The following CSNK2A1 variants were observed in gnomAD, a reference collection of about 807,000 sequenced individuals.
The protein encoded by CSNK2A1 is casein kinase 2 alpha 1.
Under a neutral mutation model 62.9 loss-of-function variants are expected in CSNK2A1, and 10 were observed. That is an observed-to-expected ratio of 0.16 (90% CI 0.10 to 0.27). CSNK2A1 has a LOEUF of 0.27. Ranked by LOEUF, CSNK2A1 falls within the 10% of genes least tolerant of loss-of-function variation. The pLI, the probability that CSNK2A1 is intolerant of heterozygous loss-of-function variation, is 1.00. For missense variants in CSNK2A1, 160 were observed against 492.0 expected, an observed-to-expected ratio of 0.33 and a Z score of 6.38; for synonymous variants, 124 against 167.8, an observed-to-expected ratio of 0.74 and a Z score of 2.02.
Position 483,804 on chromosome 20 carries a change from ATT to A in CSNK2A1, c.*155_*156del. 1 of 423,530 alleles carries A rather than the reference ATT, an allele frequency of 2.4e-6. No individual in the cohort carries two copies. Among genetic ancestry groups the A allele is most frequent in the Non-Finnish European group, 3.9e-6 (1 of 255,326 alleles). The allele number at this position is 423,530 out of a possible 1,614,324, so 26.2% of individuals were successfully genotyped here. A position where few individuals can be genotyped will look rare whatever the true frequency, so the allele number is the denominator to read the frequency against. ...GAAAAAAGAAAATCAGCCTATTATA[ATT>A]TTTTTTTTATGACTGAACTACTATA... is the stretch of plus-strand genomic sequence containing the variant. On this transcript the variant is annotated 3_prime_UTR_variant, in exon 14 of 14. Transcript: ENST00000217244.
intron 2 of CSNK2A1, among the ~76,000 whole-genome samples, chr20:513,194 C>G (rs372357700): frequency 6.6e-5 from 10 of 152,340 alleles, no homozygotes; most frequent in African/African-American, 2.4e-4. Flanking sequence ...TTTACAGCCA[C>G]TTTACTCTTC....
chr20:489,984 CTCAAAA>C (rs949269214), intron 9 of CSNK2A1, 103 bp from the exon 10 acceptor site: 2 of 907,716 alleles, frequency 2.2e-6, no homozygotes, highest in African/African-American at 3.4e-5. Context: ...ACTCCACTGA[CTCAAAA>C]TCAAAACACT....
chr20:520,134 A>C lies in CSNK2A1; in HGVS notation c.-110+7799T>G, dbSNP rs778910466. 1.4e-4 allele frequency among the ~76,000 whole-genome samples: 21 copies of C among 152,232 alleles called. No individual in the cohort carries two copies. In the East Asian group the frequency reaches 1.5e-3, roughly 11 times the overall value. On this transcript the variant is annotated intron_variant, in intron 2 of 13. Transcript: ENST00000217244. ...AGAAGAAAAAAATCTAGAACATAAG[A>C]AGCATAGGGGAAGAAAGTTGAATTG...
chr20:495,597 CA>C, intron 8 of CSNK2A1, 121 bp downstream of exon 8: 1 of 716,852 alleles, frequency 1.4e-6, no homozygotes, highest in South Asian at 1.8e-5. Flanking sequence ...ATTCATTCAC[CA>C]AATATTTCTC....
At position 489,701 on chromosome 20, in the gene CSNK2A1, G is replaced by C. The variant is rs568741301; in HGVS notation, c.723+79C>G. On this transcript the variant is annotated intron_variant, in intron 10 of 13. Transcript: ENST00000217244. Reference sequence around the variant, plus strand: ...CAATATCGGGGTGGCTGAATAAACAGTGAACTGAAAGTTACAGGCAGTGCT... The same window carrying C: ...CAATATCGGGGTGGCTGAATAAACACTGAACTGAAAGTTACAGGCAGTGCT... 1.1e-5 allele frequency: 13 copies of C among 1,200,832 alleles called. No homozygotes were observed. The South Asian group carries it at 2.0e-4, about 18-fold the overall frequency. 74.4% of individuals were successfully genotyped at this position (1,200,832 alleles called of 1,614,324 possible). A position where few individuals can be genotyped will look rare whatever the true frequency, so the allele number is the denominator to read the frequency against.
In CSNK2A1 at chr20:498,335, CTTT is replaced by C. The variant is rs11477158; in HGVS notation, c.367-558_367-556del. 933 of 119,606 alleles carry C rather than the reference CTTT, an allele frequency of 7.8e-3. 10 individuals carry two copies. Among genetic ancestry groups the C allele is most frequent in the African/African-American group, 0.026 (823 of 31,460 alleles). 7.4% of individuals were successfully genotyped at this position (119,606 alleles called of 1,614,324 possible). Reference sequence around the variant, plus strand: ...CAGAATGTTTTTTACATGGACATATCTTTTTTTTTTTTTTTTTTTTTTGAGACA... The same window carrying C: ...CAGAATGTTTTTTACATGGACATATCTTTTTTTTTTTTTTTTTTTGAGACA... On this transcript the variant is annotated intron_variant, in intron 6 of 13. Transcript: ENST00000217244.
rs2017795307 is a variant in CSNK2A1, at chr20:473,685, A to G, written c.*10276T>C. ...GGGGTTCATGGTGAAAAACGCTGAA[A>G]AGGGTAAAGACTACTGCAGTCTCCA... On this transcript the variant is annotated 3_prime_UTR_variant, in exon 14 of 14. Coordinates refer to ENST00000217244, the MANE Select transcript of CSNK2A1 (RefSeq NM_177559.3). 6.6e-6 allele frequency: 1 copy of G among 152,166 alleles called. No individual in the cohort carries two copies. Among genetic ancestry groups the G allele is most frequent in the Non-Finnish European group, 1.5e-5 (1 of 68,032 alleles). The allele number at this position is 152,166 out of a possible 1,614,324, so 9.4% of individuals were successfully genotyped here. A position where few individuals can be genotyped will look rare whatever the true frequency, so the allele number is the denominator to read the frequency against.
chr20:505,347 A>G (rs1269338742), intron 3 of CSNK2A1, 118 bp from the exon 4 acceptor site: 2 of 566,010 alleles, frequency 3.5e-6, no homozygotes, highest in Admixed American at 3.6e-5. Context: ...CAATTCCCAA[A>G]TAGGTTTTTT....
intron 7 of CSNK2A1, 43 bp from the exon 8 acceptor site, chr20:495,845 C>T (rs763450126): frequency 2.1e-5 from 32 of 1,524,544 alleles, no homozygotes; most frequent in Admixed American, 3.3e-5. Context: ...CTGAATAATA[C>T]GTAAGAGTCC....
rs2017950522 is a variant in CSNK2A1, at chr20:481,273, AGG to A, written c.*2686_*2687del. The A allele has an allele frequency of 2.0e-5, 3 of 152,174 alleles. No homozygotes were observed. In the South Asian group the frequency reaches 6.2e-4, roughly 32 times the overall value. The allele number at this position is 152,174 out of a possible 1,614,324, so 9.4% of individuals were successfully genotyped here. ...CAAACTTAAAAAAAAGCAGAGGAAGAGGGGAGGGACCACTTCAAACAAAGTTT... is the reference window on the plus strand; with the variant it reads ...CAAACTTAAAAAAAAGCAGAGGAAGAGGAGGGACCACTTCAAACAAAGTTT... On this transcript the variant is annotated 3_prime_UTR_variant, in exon 14 of 14. Coordinates refer to ENST00000217244, the MANE Select transcript of CSNK2A1 (RefSeq NM_177559.3).
chr20:492,207 G>A (rs766094927), intron 9 of CSNK2A1, 47 bp downstream of exon 9: 1 of 1,505,076 alleles, frequency 6.6e-7, no homozygotes, highest in Non-Finnish European at 9.1e-7. Flanking sequence ...TAAATTATGT[G>A]CGAAATAAAC....
intron 2 of CSNK2A1, among the ~76,000 whole-genome samples, chr20:514,888 G>T (rs1216576450): frequency 2.0e-5 from 3 of 152,050 alleles, no homozygotes; most frequent in Non-Finnish European, 4.4e-5. Context: ...TCCTGATTTT[G>T]TCCATCCCTT....
intron 8 of CSNK2A1, 117 bp from the exon 9 acceptor site, chr20:492,481 C>T (rs2122522363): frequency 2.2e-6 from 2 of 894,562 alleles, no homozygotes; most frequent in Admixed American, 4.8e-5. Context: ...AACCCCTCCA[C>T]TGACTACTTA....
At position 478,129 on chromosome 20, in the gene CSNK2A1, A is replaced by C. The variant is rs527666841; in HGVS notation, c.*5832T>G. 1.3e-5 allele frequency: 2 copies of C among 152,404 alleles called. No individual in the cohort carries two copies. The highest frequency in any genetic ancestry group is 4.1e-4 in the South Asian group (2 of 4,846). The allele number at this position is 152,404 out of a possible 1,614,324, so 9.4% of individuals were successfully genotyped here. ...TCTCACCTCTCAATCCCCAGTGTAT[A>C]GCAAAGACCAGGCTCAGGGGCACTT... On this transcript the variant is annotated 3_prime_UTR_variant, in exon 14 of 14. Coordinates refer to ENST00000217244, the MANE Select transcript of CSNK2A1 (RefSeq NM_177559.3).
intron 8 of CSNK2A1, among the ~76,000 whole-genome samples, chr20:492,968 G>C (rs780537655): frequency 1.8e-4 from 28 of 152,194 alleles, no homozygotes; most frequent in Non-Finnish European, 3.4e-4. Flanking sequence ...AAAGGGGTAA[G>C]AGGCAAGCTT....
At chr20:497,067 C>T (rs1446992736) in intron 7 of CSNK2A1, among the ~76,000 whole-genome samples, 3 of 152,162 alleles carry the variant, frequency 2.0e-5, no homozygotes, top group African/African-American at 7.2e-5. Flanking sequence ...TACAAATACC[C>T]TTTTTCAAAT....
chr20:524,008 G>C (rs1272678799), intron 2 of CSNK2A1, among the ~76,000 whole-genome samples: 1 of 151,820 alleles, frequency 6.6e-6, no homozygotes, highest in Non-Finnish European at 1.5e-5. Flanking sequence ...GTAGTTACTT[G>C]AATCTATGTA....
At chr20:493,763 G>A (rs1034232538) in intron 8 of CSNK2A1, among the ~76,000 whole-genome samples, 1 of 152,094 alleles carries the variant, frequency 6.6e-6, no homozygotes, top group Non-Finnish European at 1.5e-5. Flanking sequence ...CCACACACAT[G>A]TCCTGTGTGT....
rs1157018720 is a variant in CSNK2A1, at chr20:472,950, G to A, written c.*11011C>T. ...TTGAGCCCAGGAGTTTGAGGCTGCAGTGAGCTGCGATCACACCACTGCACT... is the reference window on the plus strand; with the variant it reads ...TTGAGCCCAGGAGTTTGAGGCTGCAATGAGCTGCGATCACACCACTGCACT... On this transcript the variant is annotated 3_prime_UTR_variant, in exon 14 of 14. Coordinates refer to ENST00000217244, the MANE Select transcript of CSNK2A1 (RefSeq NM_177559.3). The A allele has an allele frequency of 6.6e-6, 1 of 152,414 alleles. No individual in the cohort carries two copies. The highest frequency in any genetic ancestry group is 2.4e-5 in the African/African-American group (1 of 41,468). The allele number at this position is 152,414 out of a possible 1,614,324, so 9.4% of individuals were successfully genotyped here. A position where few individuals can be genotyped will look rare whatever the true frequency, so the allele number is the denominator to read the frequency against.
Sources: allele counts gnomAD v4.1 joint callset (sites outside exome capture counted in the v4.1 genomes callset), GRCh38; gene constraint gnomAD v4.1.1; transcripts MANE v1.5; gene names NCBI Gene and HGNC (gene_info 2026-07-23, HGNC 2026-07-21).